The following IL34 variants were observed in gnomAD, a reference collection of about 807,000 sequenced individuals.
IL34 encodes interleukin 34.
Under a neutral mutation model 25.3 loss-of-function variants are expected in IL34, and 17 were observed. That is an observed-to-expected ratio of 0.67 (90% CI 0.46 to 1.01). The LOEUF (loss-of-function observed/expected upper bound fraction) is 1.01, where lower values mean the gene tolerates loss of function less well. Among genes scored for constraint, IL34 ranks in the 50% least tolerant of loss-of-function variants. IL34 has a pLI of 0.00. For synonymous variants in IL34, 174 were observed against 140.9 expected (o/e 1.23, Z -1.66); for missense variants, 368 against 312.9 (o/e 1.18, Z -1.33).
In IL34 at chr16:70,587,731, CA is replaced by C. The variant is rs111712524; in HGVS notation, c.-401+7693del. The stretch of plus-strand genomic sequence containing the variant: ...CCACACCCTTCAGGATGGCTGCTAT[CA>C]AAAAAAAAAAGAAAGAAAGAAAATA... On this transcript the variant is annotated intron_variant, in intron 1 of 6. Transcript: ENST00000429149. Among the ~76,000 whole-genome samples the C allele has an allele frequency of 2.1e-3, 306 of 142,360 alleles. 1 individual carries two copies. The highest frequency in any genetic ancestry group is 3.5e-3 in the Middle Eastern group (1 of 282). 93.4% of individuals were successfully genotyped at this position (142,360 alleles called of 152,430 possible).
At chr16:70,636,025 G>A (rs1426498408) in intron 1 of IL34, among the ~76,000 whole-genome samples, 4 of 150,036 alleles carry the variant, frequency 2.7e-5, no homozygotes, top group Admixed American at 2.0e-4. Context: ...TTCAGGGTCT[G>A]TATCTTTTTT....
chr16:70,606,042 T>G (rs2151822440), intron 1 of IL34, among the ~76,000 whole-genome samples: 1 of 150,990 alleles, frequency 6.6e-6, no homozygotes, highest in Middle Eastern at 3.4e-3. Context: ...TCTTGTCCTG[T>G]TTTAGAGGAA....
chr16:70,599,156 C>A (rs1251423562), intron 1 of IL34, among the ~76,000 whole-genome samples: 5 of 152,196 alleles, frequency 3.3e-5, no homozygotes, highest in Non-Finnish European at 7.3e-5. Flanking sequence ...GAGAGCCGCA[C>A]GTTGTCAGAG....
chr16:70,621,292 G>T (rs1180805240), intron 1 of IL34, among the ~76,000 whole-genome samples: 1 of 152,172 alleles, frequency 6.6e-6, no homozygotes, highest in African/African-American at 2.4e-5. Flanking sequence ...TGCCTTCCCA[G>T]TCCGTGACTG....
chr16:70,589,621 GA>G (rs1388409630), intron 1 of IL34, among the ~76,000 whole-genome samples: 11 of 136,206 alleles, frequency 8.1e-5, no homozygotes, highest in Non-Finnish European at 1.4e-4. Flanking sequence ...TTTTTACCAT[GA>G]TTTTTTTTTT....
intron 1 of IL34, among the ~76,000 whole-genome samples, chr16:70,651,666 C>T (rs561224548): frequency 4.5e-4 from 68 of 151,744 alleles, no homozygotes; most frequent in African/African-American, 1.5e-3. Flanking sequence ...ACAAAGTCTT[C>T]CAAGATGCTG....
In IL34 at chr16:70,660,408, C is replaced by A; in HGVS notation, c.*221C>A. The A allele has an allele frequency of 4.1e-6, 2 of 484,512 alleles. No homozygotes were observed. Among genetic ancestry groups the A allele is most frequent in the East Asian group, 6.6e-5 (2 of 30,086 alleles). The allele number at this position is 484,512 out of a possible 1,614,324, so 30.0% of individuals were successfully genotyped here. A position where few individuals can be genotyped will look rare whatever the true frequency, so the allele number is the denominator to read the frequency against. On this transcript the variant is annotated 3_prime_UTR_variant, in exon 6 of 6. Coordinates refer to ENST00000288098, the MANE Select transcript of IL34 (RefSeq NM_001393494.1). The stretch of plus-strand genomic sequence containing the variant: ...ACCTGGAGCGGAGGGGACCTGGGGA[C>A]CTGAAGGTGGATGGGGACACAGCTC...
At chr16:70,659,969 CTT>C (rs3214847) in intron 5 of IL34, 26 bp from the exon 6 acceptor site, 41 of 1,372,894 alleles carry the variant, frequency 3.0e-5, no homozygotes, top group Non-Finnish European at 3.5e-5. Context: ...CTGCTGCAGT[CTT>C]TTTTTTTTTC....
chr16:70,628,322 G>C (rs1414677358), intron 1 of IL34, among the ~76,000 whole-genome samples: 2 of 151,912 alleles, frequency 1.3e-5, no homozygotes, highest in Admixed American at 6.6e-5. Context: ...TTTTCCATTT[G>C]TTTAACTCTT....
intron 1 of IL34, among the ~76,000 whole-genome samples, chr16:70,625,325 A>G (rs2051367788): frequency 6.6e-6 from 1 of 151,362 alleles, no homozygotes; most frequent in Non-Finnish European, 1.5e-5. Context: ...CCTCCAGAAA[A>G]GTGGGAAGGG....
rs114527891 is a variant in IL34 at position 70,650,826 on chromosome 16, G to A, written c.29-3712G>A. 6.0e-3 allele frequency among the ~76,000 whole-genome samples: 911 copies of A among 152,276 alleles called. 9 individuals carry two copies. The highest frequency in any genetic ancestry group is 0.02 in the African/African-American group (829 of 41,556). Reference sequence around the variant, plus strand: ...ACCTGTGCCTTAACGAGCTCTGCAAGGGATGACAATGTCTGCTCCCATTTC... The same window carrying A: ...ACCTGTGCCTTAACGAGCTCTGCAAAGGATGACAATGTCTGCTCCCATTTC... On this transcript the variant is annotated intron_variant, in intron 1 of 5. Coordinates refer to ENST00000288098, the MANE Select transcript of IL34 (RefSeq NM_001393494.1).
At chr16:70,621,838 T>A (rs978044855) in intron 1 of IL34, among the ~76,000 whole-genome samples, 7 of 151,870 alleles carry the variant, frequency 4.6e-5, no homozygotes, top group Non-Finnish European at 1.0e-4. Flanking sequence ...TGGGGGTGTT[T>A]TTGAGCCAGG....
At chr16:70,581,926 AAAAAAC>A (rs371265484) in intron 1 of IL34, among the ~76,000 whole-genome samples, 13 of 118,190 alleles carry the variant, frequency 1.1e-4, no homozygotes, top group African/African-American at 3.1e-4. Context: ...CTACAAAAAC[AAAAAAC>A]AAAAACAAAA....
intron 1 of IL34, among the ~76,000 whole-genome samples, chr16:70,639,850 C>T (rs1464156218): frequency 2.0e-5 from 3 of 151,772 alleles, no homozygotes; most frequent in East Asian, 2.0e-4. Context: ...CCGAGCTACT[C>T]AGGAGGCTAA....
chr16:70,592,349 C>T lies in IL34; in HGVS notation c.-401+12300C>T, dbSNP rs145789055. Among the ~76,000 whole-genome samples, 1,249 of 152,214 alleles carry T rather than the reference C, an allele frequency of 8.2e-3. 4 individuals carry two copies. The highest frequency in any genetic ancestry group is 0.012 in the Non-Finnish European group (818 of 67,992). On this transcript the variant is annotated intron_variant, in intron 1 of 6. Transcript: ENST00000429149. Reference sequence around the variant, plus strand: ...TCCCCAGTGCACCCCACCCTGACCGCCTCCTGAGGTGTAATAGAAGGCCCC... The same window carrying T: ...TCCCCAGTGCACCCCACCCTGACCGTCTCCTGAGGTGTAATAGAAGGCCCC...
At chr16:70,638,554 C>G (rs2051709624) in intron 1 of IL34, among the ~76,000 whole-genome samples, 1 of 152,118 alleles carries the variant, frequency 6.6e-6, no homozygotes. Context: ...TTGGTGGCTT[C>G]TTATCCTCCC....
At chr16:70,619,899 C>A (rs963856224) in intron 1 of IL34, among the ~76,000 whole-genome samples, 1 of 152,168 alleles carries the variant, frequency 6.6e-6, no homozygotes, top group African/African-American at 2.4e-5. Flanking sequence ...CATTCCTTGG[C>A]CCAGTGGCCA....
At chr16:70,612,324 G>A (rs2051102984) in intron 1 of IL34, among the ~76,000 whole-genome samples, 1 of 152,004 alleles carries the variant, frequency 6.6e-6, no homozygotes, top group South Asian at 2.1e-4. Context: ...CTGGGGGCTG[G>A]GGGCTGGGGG....
chr16:70,592,239 T>A (rs750411402), intron 1 of IL34, among the ~76,000 whole-genome samples: 2 of 152,148 alleles, frequency 1.3e-5, no homozygotes, highest in African/African-American at 2.4e-5. Context: ...CCAGGCACTT[T>A]CCAGTGTCTT....
Sources: gnomAD v4.1 joint callset for allele counts (sites outside exome capture counted in the v4.1 genomes callset) on GRCh38, gnomAD v4.1.1 for gene constraint, MANE v1.5 for transcripts, NCBI Gene and HGNC (gene_info 2026-07-23, HGNC 2026-07-21) for gene names.